Variants in EGFLAM observed in about 807,000 individuals in gnomAD.
The protein encoded by EGFLAM is EGF like, fibronectin type III and laminin G domains.
In EGFLAM, 79 loss-of-function variants were observed where a neutral mutation model predicts 113.1. The observed-to-expected ratio is 0.70, with a 90% CI of 0.58 to 0.84. The LOEUF is 0.84. EGFLAM is among the 40% of genes least tolerant of loss of function. The pLI, the probability that EGFLAM is intolerant of heterozygous loss-of-function variation, is 0.00. For synonymous variants in EGFLAM, 504 were observed against 487.6 expected, an observed-to-expected ratio of 1.03 and a Z score of -0.44; for missense variants, 1,265 against 1,291.6, an observed-to-expected ratio of 0.98 and a Z score of 0.32.
At chr5:38,458,262 C>T (rs1451068421) in intron 19 of EGFLAM, 49 bp from the exon 20 acceptor site, 4 of 1,560,436 alleles carry the variant, frequency 2.6e-6, no homozygotes. Context: ...TCTGCTTATG[C>T]CTCAGTGTTT....
rs756831225 is a variant in EGFLAM, at chr5:38,407,845, T to C, written c.1188T>C (p.Tyr396=). The change falls in exon 9 of 22, where the codon TAT becomes TAC. Residue 396 remains tyrosine (Y), a synonymous_variant. Coordinates refer to ENST00000322350, the MANE Select transcript of EGFLAM (RefSeq NM_152403.4). ...ATCCTCAGTTCTTTGGCCACTCCTA[T>C]GTAACGTTTGAACCTCTGAAGAATT... ...IQYPQFFGHS[Y]VTFEPLKNSY... 4 of 1,613,934 alleles carry C rather than the reference T, an allele frequency of 2.5e-6. No homozygotes were observed. The highest frequency in any genetic ancestry group is 1.3e-5 in the African/African-American group (1 of 75,054).
intron 6 of EGFLAM, among the ~76,000 whole-genome samples, chr5:38,382,203 T>G (rs1740527292): frequency 1.3e-5 from 2 of 152,214 alleles, no homozygotes; most frequent in Admixed American, 1.3e-4. Context: ...TATTAATATT[T>G]TGGCAGATAA....
intron 1 of EGFLAM, among the ~76,000 whole-genome samples, chr5:38,275,459 TAA>T (rs1012080251): frequency 2.0e-5 from 3 of 151,890 alleles, no homozygotes; most frequent in African/African-American, 7.3e-5. Flanking sequence ...TCAAAAACTA[TAA>T]AAAGAGACAA....
chr5:38,277,426 G>T (rs1757913506), intron 1 of EGFLAM, among the ~76,000 whole-genome samples: 1 of 152,040 alleles, frequency 6.6e-6, no homozygotes, highest in Admixed American at 6.5e-5. Flanking sequence ...ACATAATAAA[G>T]TCTGTATATG....
chr5:38,302,409 T>G (rs901649459), intron 1 of EGFLAM, among the ~76,000 whole-genome samples: 5 of 152,166 alleles, frequency 3.3e-5, no homozygotes, highest in African/African-American at 1.2e-4. Context: ...TCCATGACCT[T>G]GGGCAAGTCT....
At chr5:38,405,192 A>G (rs113087670) in intron 6 of EGFLAM, among the ~76,000 whole-genome samples, 6,844 of 152,176 alleles carry the variant, frequency 0.045, 511 homozygotes, top group African/African-American at 0.16. Flanking sequence ...ATATGTATAT[A>G]TACAACATAT....
chr5:38,345,049 T>C (rs185782054), intron 3 of EGFLAM, among the ~76,000 whole-genome samples: 41 of 152,276 alleles, frequency 2.7e-4, no homozygotes, highest in Admixed American at 3.9e-4. Context: ...GAAAAGGCAG[T>C]TGAACATCTG....
intron 4 of EGFLAM, among the ~76,000 whole-genome samples, chr5:38,351,100 G>A (rs1739610224): frequency 6.6e-6 from 1 of 151,458 alleles, no homozygotes; most frequent in South Asian, 2.1e-4. Flanking sequence ...ATGAGTGACA[G>A]CAGCACTTCT....
intron 1 of EGFLAM, among the ~76,000 whole-genome samples, chr5:38,278,841 A>G (rs1757951893): frequency 6.6e-6 from 1 of 152,068 alleles, no homozygotes; most frequent in Non-Finnish European, 1.5e-5. Context: ...AAGCACAGCC[A>G]ACAAAAGGAA....
intron 3 of EGFLAM, among the ~76,000 whole-genome samples, chr5:38,348,970 G>A (rs1158420096): frequency 6.6e-6 from 1 of 152,186 alleles, no homozygotes; most frequent in Non-Finnish European, 1.5e-5. Context: ...TAAGTGGTCT[G>A]GAGTGGAGTT....
intron 6 of EGFLAM, among the ~76,000 whole-genome samples, chr5:38,391,183 AT>A (rs1011275582): frequency 1.3e-5 from 2 of 151,966 alleles, no homozygotes; most frequent in African/African-American, 4.8e-5. Context: ...TACTTTAATA[AT>A]TTTTTTCCCC....
chr5:38,465,378 T>C lies in EGFLAM; in HGVS notation c.*1392T>C, dbSNP rs1743435654. Among the ~76,000 whole-genome samples the C allele has an allele frequency of 6.6e-6, 1 of 152,260 alleles. No individual in the cohort carries two copies. ...TTAGTCCCAGTCTCGACTCTACATT[T>C]GTTTGTGCAGCATTCATTCAGCAAA... On this transcript the variant is annotated 3_prime_UTR_variant, in exon 22 of 22. Coordinates refer to ENST00000322350, the MANE Select transcript of EGFLAM (RefSeq NM_152403.4).
chr5:38,424,884 A>G, intron 12 of EGFLAM, 83 bp from the exon 13 acceptor site: 2 of 1,550,912 alleles, frequency 1.3e-6, no homozygotes, highest in Non-Finnish European at 1.8e-6. Context: ...ATTCAGAACC[A>G]TGAGCTGCTG....
At chr5:38,320,031 G>C (rs997709208) in intron 1 of EGFLAM, among the ~76,000 whole-genome samples, 7 of 152,210 alleles carry the variant, frequency 4.6e-5, no homozygotes, top group Non-Finnish European at 8.8e-5. Context: ...GTTACTGTAT[G>C]GATGGAGAAC....
rs1330193171 is a variant in EGFLAM at position 38,381,572 on chromosome 5, G to A, written c.712+11110G>A. Among the ~76,000 whole-genome samples, 5 of 152,314 alleles carry A rather than the reference G, an allele frequency of 3.3e-5. No homozygotes were observed. In the East Asian group the frequency reaches 9.6e-4, roughly 29 times the overall value. On this transcript the variant is annotated intron_variant, in intron 6 of 21. Coordinates refer to ENST00000322350, the MANE Select transcript of EGFLAM (RefSeq NM_152403.4). The stretch of plus-strand genomic sequence containing the variant: ...TGATTTGAAACAAGTTTAATGAGGG[G>A]ACTGTTTGCAACAGCTTAGTCATGT...
chr5:38,446,228 G>T (rs940360666), intron 17 of EGFLAM, among the ~76,000 whole-genome samples: 6 of 152,060 alleles, frequency 3.9e-5, no homozygotes, highest in African/African-American at 1.4e-4. Context: ...CATTTTTGCA[G>T]TTCCCTGCCG....
intron 12 of EGFLAM, among the ~76,000 whole-genome samples, chr5:38,419,487 C>T (rs1411473265): frequency 6.6e-6 from 1 of 152,174 alleles, no homozygotes; most frequent in East Asian, 1.9e-4. Flanking sequence ...GTCTCACTGC[C>T]TAGATTCTAC....
Position 38,407,879 on chromosome 5 carries a change from G to C in EGFLAM, c.1222G>C (p.Ala408Pro), listed in dbSNP as rs144280109. The C allele has an allele frequency of 1.2e-6, 2 of 1,613,142 alleles. No homozygotes were observed. The highest frequency in any genetic ancestry group is 4.5e-5 in the East Asian group (2 of 44,876). ...TFEPLKNSYQ[A>P]FQITLEFRAE... The stretch of plus-strand genomic sequence containing the variant: ...TGAACCTCTGAAGAATTCTTATCAG[G>C]CATTTCAAATTACTCTTGAATTTAG... Residue 408 changes from alanine (A) to proline (P), a missense_variant, in exon 9 of 22, where the codon GCA (alanine) becomes CCA (proline). Transcript: ENST00000322350.
chr5:38,281,043 G>A (rs998769908), intron 1 of EGFLAM, among the ~76,000 whole-genome samples: 5 of 152,144 alleles, frequency 3.3e-5, no homozygotes, highest in Admixed American at 2.0e-4. Flanking sequence ...CTGACATAGG[G>A]ATAGCTGTGT....
Sources: allele counts gnomAD v4.1 joint callset (sites outside exome capture counted in the v4.1 genomes callset), GRCh38; gene constraint gnomAD v4.1.1; transcripts MANE v1.5; gene names NCBI Gene and HGNC (gene_info 2026-07-23, HGNC 2026-07-21).